Variants in CYP11A1 observed in about 807,000 individuals in gnomAD.
The protein encoded by CYP11A1 is cholesterol side-chain cleavage enzyme, mitochondrial.
Under a neutral mutation model 51.9 loss-of-function variants are expected in CYP11A1, and 25 were observed. That is an observed-to-expected ratio of 0.48 (90% CI 0.35 to 0.67). The LOEUF is 0.67. Ranked by LOEUF, CYP11A1 falls within the 30% of genes least tolerant of loss-of-function variation. The pLI, the probability that CYP11A1 is intolerant of heterozygous loss-of-function variation, is 0.00. For synonymous variants in CYP11A1, 245 were observed against 262.1 expected (o/e 0.93, Z 0.63); for missense variants, 578 against 680.9 (o/e 0.85, Z 1.68).
Position 74,349,255 on chromosome 15 carries a change from A to C in CYP11A1, c.270-1200T>G, listed in dbSNP as rs553106253. ...TTTAAGCAAAAAATAAGAAATAAAA[A>C]TACAACTACTAAAAAACAACAGAAA... On this transcript the variant is annotated intron_variant, in intron 1 of 8. Transcript: ENST00000268053. Among the ~76,000 whole-genome samples, 3 of 152,362 alleles carry C rather than the reference A, an allele frequency of 2.0e-5. No individual in the cohort carries two copies. In the South Asian group the frequency reaches 6.2e-4, roughly 32 times the overall value.
In CYP11A1 at chr15:74,337,949, T is replaced by C. The variant is rs753023774; in HGVS notation, c.*23A>G. The C allele has an allele frequency of 6.2e-7, 1 of 1,613,376 alleles. No individual in the cohort carries two copies. The highest frequency in any genetic ancestry group is 1.7e-5 in the Admixed American group (1 of 60,020). ...CCCACCCCTGGGCCTTCCTCCCATG[T>C]GGCTGCAGGCCATCCTCTCTGATCA... is the stretch of plus-strand genomic sequence containing the variant. On this transcript the variant is annotated 3_prime_UTR_variant, in exon 9 of 9. Transcript: ENST00000268053.
intron 1 of CYP11A1, chr15:74,361,585 G>T: frequency 1.0e-6 from 1 of 983,962 alleles, no homozygotes; most frequent in Non-Finnish European, 1.6e-6. Context: ...TGACATCGCA[G>T]TCACGGCGAG....
intron 3 of CYP11A1, chr15:74,344,834 A>T: frequency 1.6e-6 from 1 of 623,946 alleles, no homozygotes. Context: ...GCCAGATGAG[A>T]GAACCCCAGA....
At chr15:74,348,166 C>G (rs748717564) in intron 1 of CYP11A1, 111 bp from the exon 2 acceptor site, 1 of 1,275,558 alleles carries the variant, frequency 7.8e-7, no homozygotes, top group Non-Finnish European at 1.1e-6. Context: ...GGACCTGAGT[C>G]GAGGCCCTTA....
At chr15:74,364,092 A>T (rs2060720602) in intron 1 of CYP11A1, 1 of 152,542 alleles carries the variant, frequency 6.6e-6, no homozygotes, top group Non-Finnish European at 1.5e-5. Context: ...TTTTAACCAA[A>T]TTCATTTCCT....
chr15:74,348,344 TC>T (rs773417917), intron 1 of CYP11A1: 5 of 420,528 alleles, frequency 1.2e-5, no homozygotes, highest in Non-Finnish European at 2.2e-5. Flanking sequence ...CCACAGCACA[TC>T]CCCAGGGCCA....
intron 4 of CYP11A1, 45 bp downstream of exon 4, chr15:74,343,744 G>T: frequency 6.5e-7 from 1 of 1,548,978 alleles, no homozygotes; most frequent in Non-Finnish European, 8.9e-7. Context: ...AGCCGGCTGA[G>T]GCCTGGGGCT....
chr15:74,340,340 TG>T (rs1181433851), intron 5 of CYP11A1, among the ~76,000 whole-genome samples: 2 of 152,244 alleles, frequency 1.3e-5, no homozygotes. Flanking sequence ...AGCCAGAGGC[TG>T]TGACCACTAG....
At chr15:74,363,544 G>A (rs2060718231) in intron 1 of CYP11A1, 1 of 152,196 alleles carries the variant, frequency 6.6e-6, no homozygotes, top group Non-Finnish European at 1.5e-5. Context: ...AGGAGGTTTG[G>A]TTTATGGGGA....
intron 1 of CYP11A1, chr15:74,356,150 G>A (rs893229971): frequency 6.6e-6 from 1 of 152,232 alleles, no homozygotes; most frequent in African/African-American, 2.4e-5. Context: ...CAAAACGCCT[G>A]AACTGCAGCG....
chr15:74,347,801 C>T lies in CYP11A1; in HGVS notation c.425+99G>A. 6.1e-6 allele frequency: 8 copies of T among 1,311,146 alleles called. 1 individual carries two copies. In the South Asian group the frequency reaches 9.9e-5, roughly 16 times the overall value. The allele number at this position is 1,311,146 out of a possible 1,614,324, so 81.2% of individuals were successfully genotyped here. On this transcript the variant is annotated intron_variant, in intron 2 of 8. Coordinates refer to ENST00000268053, the MANE Select transcript of CYP11A1 (RefSeq NM_000781.3). ...CACCTAGAGGCCCTGCTAGGAGGCA[C>T]AGGGCAAGCCTGGCCTCAGCCCCTC...
chr15:74,343,920 A>T lies in CYP11A1; in HGVS notation c.698T>A (p.Phe233Tyr). ...GAACATCTGGTAGATGGCATCAATG[A>T]ATCGCTGGGCCTCGGGGTTCACTAC... is the stretch of plus-strand genomic sequence containing the variant. The part of the protein sequence containing the change: ...EEVVNPEAQR[F>Y]IDAIYQMFHT... Residue 233 changes from phenylalanine to tyrosine, a missense_variant, in exon 4 of 9, where the codon TTC becomes TAC. Coordinates refer to ENST00000268053, the MANE Select transcript of CYP11A1 (RefSeq NM_000781.3). 6.2e-7 allele frequency: 1 copy of T among 1,614,170 alleles called. No individual in the cohort carries two copies. The highest frequency in any genetic ancestry group is 8.5e-7 in the Non-Finnish European group (1 of 1,180,032).
intron 1 of CYP11A1, among the ~76,000 whole-genome samples, chr15:74,358,368 T>C (rs1326442027): frequency 6.6e-6 from 1 of 152,156 alleles, no homozygotes; most frequent in Non-Finnish European, 1.5e-5. Flanking sequence ...CCAAGGAAAA[T>C]ATCTCCTTCC....
At chr15:74,357,419 C>T (rs2060685381) in intron 1 of CYP11A1, among the ~76,000 whole-genome samples, 1 of 152,194 alleles carries the variant, frequency 6.6e-6, no homozygotes, top group African/African-American at 2.4e-5. Context: ...GCTAATCTCA[C>T]AAACCCTAAC....
intron 4 of CYP11A1, among the ~76,000 whole-genome samples, chr15:74,343,577 C>T (rs887016468): frequency 1.3e-5 from 2 of 152,232 alleles, no homozygotes; most frequent in Admixed American, 1.3e-4. Context: ...TGTCTTTGCT[C>T]CTCTTTTTCC....
At chr15:74,365,812 C>T (rs946542798) in intron 1 of CYP11A1, 1 of 985,550 alleles carries the variant, frequency 1.0e-6, no homozygotes, top group Non-Finnish European at 1.2e-6. Context: ...GTGGATGCTG[C>T]AGGGCCGCAG....
At chr15:74,367,036 T>G in intron 1 of CYP11A1, 1 of 483,214 alleles carries the variant, frequency 2.1e-6, no homozygotes, top group East Asian at 3.9e-5. Context: ...TTTGGACCCA[T>G]TAAAGAGCTT....
chr15:74,352,847 G>A (rs906433752), intron 1 of CYP11A1, among the ~76,000 whole-genome samples: 4 of 152,150 alleles, frequency 2.6e-5, no homozygotes, highest in Admixed American at 6.5e-5. Flanking sequence ...TAAAAATTGA[G>A]TACAGCAAAT....
At chr15:74,365,900 C>T in intron 1 of CYP11A1, 4 of 985,692 alleles carry the variant, frequency 4.1e-6, no homozygotes, top group Non-Finnish European at 4.8e-6. Context: ...GCCAGTGCTC[C>T]AGCGCCCCCG....
Sources: allele counts gnomAD v4.1 joint callset (sites outside exome capture counted in the v4.1 genomes callset), GRCh38; gene constraint gnomAD v4.1.1; transcripts MANE v1.5; gene names NCBI Gene and HGNC (gene_info 2026-07-23, HGNC 2026-07-21).